CNTNAP2: variants seen among roughly 807,000 people sequenced by gnomAD.
CNTNAP2 encodes the protein contactin-associated protein-like 2.
Under a neutral mutation model 155.2 loss-of-function variants are expected in CNTNAP2, and 98 were observed. The ratio of observed to expected loss-of-function variants is 0.63; its 90% CI spans 0.54 to 0.75. The LOEUF is 0.75. Among genes scored for constraint, CNTNAP2 ranks in the 30% least tolerant of loss-of-function variants. The pLI, the probability that CNTNAP2 is intolerant of heterozygous loss-of-function variation, is 0.00. For synonymous variants in CNTNAP2, 651 were observed against 631.2 expected (o/e 1.03, Z -0.47); for missense variants, 1,727 against 1,688.1 (o/e 1.02, Z -0.40).
intron 15 of CNTNAP2, among the ~76,000 whole-genome samples, chr7:147,981,817 GGT>G (rs1563156651): frequency 5.3e-4 from 74 of 139,000 alleles, no homozygotes; most frequent in Middle Eastern, 3.8e-3. Flanking sequence ...GTGTGTGTGT[GGT>G]TTTTTTTTTC....
At chr7:146,301,231 A>G (rs562702293) in intron 1 of CNTNAP2, among the ~76,000 whole-genome samples, 17 of 152,276 alleles carry the variant, frequency 1.1e-4, no homozygotes, top group Non-Finnish European at 2.4e-4. Context: ...AATTTGAAAC[A>G]TTGTGAAATG....
chr7:146,729,474 A>C (rs940498462), intron 1 of CNTNAP2, among the ~76,000 whole-genome samples: 3 of 152,132 alleles, frequency 2.0e-5, no homozygotes, highest in Non-Finnish European at 2.9e-5. Context: ...AAAAGAGCTT[A>C]AGAGAAATGC....
At chr7:147,326,763 T>A (rs6979164) in intron 9 of CNTNAP2, among the ~76,000 whole-genome samples, 29,437 of 152,184 alleles carry the variant, frequency 0.19, 3,125 homozygotes, top group Non-Finnish European at 0.24. Flanking sequence ...ATGGTTTTCT[T>A]TCACAAATGA....
chr7:146,370,732 A>G (rs995788516), intron 1 of CNTNAP2, among the ~76,000 whole-genome samples: 5 of 152,154 alleles, frequency 3.3e-5, no homozygotes, highest in Non-Finnish European at 7.4e-5. Context: ...AATAATAAAG[A>G]CAAAGACAAA....
At chr7:146,909,079 TAC>T (rs1796214577) in intron 3 of CNTNAP2, among the ~76,000 whole-genome samples, 1 of 151,922 alleles carries the variant, frequency 6.6e-6, no homozygotes, top group African/African-American at 2.4e-5. Flanking sequence ...CCTCGACACA[TAC>T]ACTCTCCCAA....
At chr7:147,273,155 G>A (rs907344941) in intron 8 of CNTNAP2, among the ~76,000 whole-genome samples, 3 of 152,070 alleles carry the variant, frequency 2.0e-5, no homozygotes, top group Non-Finnish European at 2.9e-5. Context: ...CAGCACTGAG[G>A]ACAATCTAAA....
chr7:146,181,415 T>C (rs13223589), intron 1 of CNTNAP2, among the ~76,000 whole-genome samples: 44,400 of 152,038 alleles, frequency 0.29, 7,390 homozygotes, highest in African/African-American at 0.45. Flanking sequence ...ATGATAAATT[T>C]TTATTATTAT....
chr7:146,315,508 G>A (rs1454913714), intron 1 of CNTNAP2, among the ~76,000 whole-genome samples: 1 of 152,162 alleles, frequency 6.6e-6, no homozygotes, highest in African/African-American at 2.4e-5. Context: ...TGTCAGGTGT[G>A]TAGGAGTCTT....
chr7:148,361,925 G>C (rs1798629098), intron 21 of CNTNAP2, among the ~76,000 whole-genome samples: 2 of 152,032 alleles, frequency 1.3e-5, no homozygotes, highest in Non-Finnish European at 2.9e-5. Context: ...GGGCACGGTG[G>C]CTCACGCCTG....
chr7:148,322,796 G>GT (rs1369352160), intron 21 of CNTNAP2, among the ~76,000 whole-genome samples: 50 of 91,870 alleles, frequency 5.4e-4, no homozygotes, highest in East Asian at 2.8e-3. Context: ...TGTTTTTTGG[G>GT]GTTTTTTTTT....
At chr7:148,119,306 G>A (rs191829710) in intron 16 of CNTNAP2, among the ~76,000 whole-genome samples, 19 of 151,908 alleles carry the variant, frequency 1.3e-4, no homozygotes, top group East Asian at 1.2e-3. Flanking sequence ...GGTGGATCAC[G>A]AGGTCAGGAG....
chr7:146,587,257 C>A (rs1185512667), intron 1 of CNTNAP2, among the ~76,000 whole-genome samples: 1 of 151,950 alleles, frequency 6.6e-6, no homozygotes, highest in East Asian at 1.9e-4. Flanking sequence ...TAATATATGG[C>A]CATTAATTAT....
chr7:147,086,061 G>A (rs192489793), intron 4 of CNTNAP2, among the ~76,000 whole-genome samples: 52 of 152,278 alleles, frequency 3.4e-4, no homozygotes, highest in African/African-American at 1.1e-3. Context: ...GTTTCCTACC[G>A]CAGCTTCCAA....
At chr7:148,338,582 G>A (rs1376348379) in intron 21 of CNTNAP2, among the ~76,000 whole-genome samples, 1 of 152,012 alleles carries the variant, frequency 6.6e-6, no homozygotes, top group Admixed American at 6.6e-5. Context: ...AGTTACTGCT[G>A]ATGAACCAGG....
intron 1 of CNTNAP2, among the ~76,000 whole-genome samples, chr7:146,302,596 A>C (rs527837806): frequency 6.6e-6 from 1 of 152,246 alleles, no homozygotes; most frequent in East Asian, 1.9e-4. Context: ...GCGTATCTAA[A>C]ACGTGTTGGA....
In CNTNAP2 at chr7:146,153,905, A is replaced by C. The variant is rs542338888; in HGVS notation, c.97+36932A>C. Among the ~76,000 whole-genome samples the C allele has an allele frequency of 9.2e-5, 14 of 152,284 alleles. No homozygotes were observed. In the South Asian group the frequency reaches 1.7e-3, roughly 18 times the overall value. On this transcript the variant is annotated intron_variant, in intron 1 of 23. Coordinates refer to ENST00000361727, the MANE Select transcript of CNTNAP2 (RefSeq NM_014141.6). The stretch of plus-strand genomic sequence containing the variant: ...AAAAGTAGCAGATTATTAAACTTCC[A>C]GTTTTATTTTATGATCTGCTCTGCC...
intron 8 of CNTNAP2, among the ~76,000 whole-genome samples, chr7:147,155,635 T>C (rs1801909782): frequency 6.6e-6 from 1 of 152,282 alleles, no homozygotes; most frequent in Admixed American, 6.5e-5. Flanking sequence ...AGAGACAATA[T>C]TGTACACAAT....
At chr7:148,341,001 G>T (rs1158421051) in intron 21 of CNTNAP2, among the ~76,000 whole-genome samples, 2 of 152,180 alleles carry the variant, frequency 1.3e-5, no homozygotes, top group Non-Finnish European at 2.9e-5. Flanking sequence ...CTTCTGAACG[G>T]GTCTGCAAGG....
intron 1 of CNTNAP2, among the ~76,000 whole-genome samples, chr7:146,721,478 ATATT>A (rs1198315924): frequency 1.5e-5 from 2 of 130,490 alleles, no homozygotes; most frequent in Non-Finnish European, 3.1e-5. Context: ...CATTCTATAT[ATATT>A]CTATATACAT....
Sources: gnomAD v4.1 joint callset for allele counts (sites outside exome capture counted in the v4.1 genomes callset) on GRCh38, gnomAD v4.1.1 for gene constraint, MANE v1.5 for transcripts, NCBI Gene and HGNC (gene_info 2026-07-23, HGNC 2026-07-21) for gene names.